ZMYND11: variants seen among roughly 807,000 people sequenced by gnomAD.
ZMYND11 encodes the protein zinc finger MYND domain-containing protein 11.
A neutral mutation model predicts 84.9 loss-of-function variants in ZMYND11; 9 were observed. The ratio of observed to expected loss-of-function variants is 0.11; its 90% CI spans 0.06 to 0.18. The LOEUF (loss-of-function observed/expected upper bound fraction) is 0.18. Among genes scored for constraint, ZMYND11 ranks in the 10% least tolerant of loss-of-function variants. The pLI, the probability that ZMYND11 is intolerant of heterozygous loss-of-function variation, is 1.00. For missense variants in ZMYND11, 409 were observed against 761.0 expected (o/e 0.54, Z 5.44); for synonymous variants, 250 against 244.1 (o/e 1.02, Z -0.23).
chr10:139,435 G>A (rs1836935439), intron 1 of ZMYND11, among the ~76,000 whole-genome samples: 1 of 152,078 alleles, frequency 6.6e-6, no homozygotes, highest in Non-Finnish European at 1.5e-5. Flanking sequence ...TCAGTTACTT[G>A]CAGTGCCATT....
At chr10:146,209 A>G (rs1352565372) in intron 1 of ZMYND11, among the ~76,000 whole-genome samples, 3 of 152,010 alleles carry the variant, frequency 2.0e-5, no homozygotes, top group Admixed American at 1.3e-4. Context: ...CCTTATTTCT[A>G]GGTTCTCTAT....
intron 1 of ZMYND11, among the ~76,000 whole-genome samples, chr10:173,648 A>G (rs1845897787): frequency 6.6e-6 from 1 of 152,032 alleles, no homozygotes; most frequent in Non-Finnish European, 1.5e-5. Context: ...GAGCCCAGGA[A>G]TTTGAGGTTA....
At chr10:170,694 T>C (rs1588625672) in intron 1 of ZMYND11, among the ~76,000 whole-genome samples, 1 of 152,154 alleles carries the variant, frequency 6.6e-6, no homozygotes, top group East Asian at 1.9e-4. Flanking sequence ...GAAGTATAAT[T>C]GATGTGATAA....
intron 1 of ZMYND11, among the ~76,000 whole-genome samples, chr10:174,748 A>C (rs1171633359): frequency 7.4e-6 from 1 of 134,578 alleles, no homozygotes; most frequent in African/African-American, 2.8e-5. Context: ...ACATTGGTCA[A>C]AACCCAAGGG....
At chr10:197,947 AT>A in intron 2 of ZMYND11, 1 of 654,796 alleles carries the variant, frequency 1.5e-6, no homozygotes, top group Non-Finnish European at 2.8e-6. Context: ...ACCTATGGTG[AT>A]TTTTACATCA....
chr10:222,309 A>T (rs1235157900), intron 4 of ZMYND11, among the ~76,000 whole-genome samples: 2 of 152,180 alleles, frequency 1.3e-5, no homozygotes, highest in African/African-American at 4.8e-5. Flanking sequence ...TAGTCTTCTA[A>T]CTGGCTTTGT....
chr10:173,973 G>A lies in ZMYND11; in HGVS notation c.-19-6021G>A, dbSNP rs923439259. ...TGCTGGTGGAAGTGCAAAATGGTCC[G>A]GTCACTTGGGAAGACAGTTTGGCAG... On this transcript the variant is annotated intron_variant, in intron 1 of 14. Transcript: ENST00000381604. Among the ~76,000 whole-genome samples the A allele has an allele frequency of 1.5e-4, 23 of 152,114 alleles. 1 individual carries two copies. The highest frequency in any genetic ancestry group is 1.5e-3 in the Admixed American group (23 of 15,260).
At chr10:225,708 T>C (rs1464520488) in intron 4 of ZMYND11, among the ~76,000 whole-genome samples, 1 of 152,208 alleles carries the variant, frequency 6.6e-6, no homozygotes, top group Non-Finnish European at 1.5e-5. Context: ...AGTCATTTTA[T>C]ACTTTGAAGG....
chr10:157,618 C>T (rs1221710035), intron 1 of ZMYND11, among the ~76,000 whole-genome samples: 1 of 152,146 alleles, frequency 6.6e-6, no homozygotes, highest in Non-Finnish European at 1.5e-5. Context: ...GTTTAAAAAT[C>T]AGGAATCCTG....
chr10:207,679 C>T lies in ZMYND11; in HGVS notation c.117-2210C>T, dbSNP rs530458496. The stretch of plus-strand genomic sequence containing the variant: ...AACAAATGGAAGAACATTCCATGCT[C>T]ATGGAGAGGAAGAATCAATATCGTG... On this transcript the variant is annotated intron_variant, in intron 2 of 14. Transcript: ENST00000381604. Among the ~76,000 whole-genome samples, 4 of 152,320 alleles carry T rather than the reference C, an allele frequency of 2.6e-5. 1 individual carries two copies. The South Asian group carries it at 8.3e-4, about 32-fold the overall frequency.
intron 4 of ZMYND11, among the ~76,000 whole-genome samples, chr10:222,146 G>A (rs76090609): frequency 2.7e-4 from 41 of 152,200 alleles, no homozygotes; most frequent in African/African-American, 8.7e-4. Context: ...GAGATTACTC[G>A]TGATTTCCAG....
chr10:209,354 G>A (rs1374821221), intron 2 of ZMYND11, among the ~76,000 whole-genome samples: 1 of 152,082 alleles, frequency 6.6e-6, no homozygotes, highest in East Asian at 1.9e-4. Flanking sequence ...TCACGTTTTT[G>A]CCTGACTGAT....
chr10:189,924 T>A (rs1303322556), intron 2 of ZMYND11, among the ~76,000 whole-genome samples: 3 of 152,052 alleles, frequency 2.0e-5, no homozygotes, highest in East Asian at 1.9e-4. Flanking sequence ...TTCGATGGGA[T>A]TCGACAAGGC....
At chr10:238,265 C>T in intron 6 of ZMYND11, among the ~76,000 whole-genome samples, 1 of 152,168 alleles carries the variant, frequency 6.6e-6, no homozygotes, top group East Asian at 1.9e-4. Context: ...TTTTGCACCT[C>T]ATGTGTCATG....
At chr10:246,704 C>CT in intron 10 of ZMYND11, 62 bp from the exon 11 acceptor site, 2 of 1,541,372 alleles carry the variant, frequency 1.3e-6, no homozygotes, top group Non-Finnish European at 1.8e-6. Flanking sequence ...CTGAAGCCCT[C>CT]TTTTACCACC....
intron 14 of ZMYND11, among the ~76,000 whole-genome samples, chr10:251,034 A>C (rs1417731254): frequency 6.6e-6 from 1 of 152,206 alleles, no homozygotes; most frequent in African/African-American, 2.4e-5. Flanking sequence ...AAGAATCAAG[A>C]ATTCTTTCTT....
At chr10:241,096 G>A (rs573225729) in intron 9 of ZMYND11, 126 bp downstream of exon 9, 48 of 610,618 alleles carry the variant, frequency 7.9e-5, no homozygotes, top group Non-Finnish European at 1.2e-4. Flanking sequence ...GGTTTAATGA[G>A]TATAAACAAC....
intron 10 of ZMYND11, among the ~76,000 whole-genome samples, chr10:246,411 T>C (rs1460953689): frequency 1.3e-5 from 2 of 152,234 alleles, no homozygotes; most frequent in Non-Finnish European, 2.9e-5. Context: ...TAAAAGGACT[T>C]ATGAAGAATA....
At chr10:189,961 T>A (rs72770980) in intron 2 of ZMYND11, among the ~76,000 whole-genome samples, 4,728 of 152,144 alleles carry the variant, frequency 0.031, 89 homozygotes, top group Non-Finnish European at 0.05. Flanking sequence ...GCATAGACTG[T>A]CTGGATCAAG....
Sources: allele counts gnomAD v4.1 joint callset (sites outside exome capture counted in the v4.1 genomes callset), GRCh38; gene constraint gnomAD v4.1.1; transcripts MANE v1.5; gene names NCBI Gene and HGNC (gene_info 2026-07-23, HGNC 2026-07-21).